Variants in MREG observed in about 807,000 individuals in gnomAD.
The protein encoded by MREG is melanoregulin.
A neutral mutation model predicts 28.5 loss-of-function variants in MREG; 31 were observed. The ratio of observed to expected loss-of-function variants is 1.09; its 90% CI spans 0.82 to 1.47. The LOEUF (loss-of-function observed/expected upper bound fraction) is 1.47. Among genes scored for constraint, MREG ranks in the 40% most tolerant of loss-of-function variants. The pLI, the probability that MREG is intolerant of heterozygous loss-of-function variation, is 0.00. For missense variants in MREG, 256 were observed against 257.4 expected, an observed-to-expected ratio of 0.99 and a Z score of 0.04; for synonymous variants, 106 against 95.2, an observed-to-expected ratio of 1.11 and a Z score of -0.66.
intron 1 of MREG, among the ~76,000 whole-genome samples, chr2:216,002,951 T>C (rs1694056815): frequency 6.6e-6 from 1 of 151,508 alleles, no homozygotes; most frequent in African/African-American, 2.4e-5. Context: ...TTCTCTCTCA[T>C]TCTCTCTTTC....
At chr2:215,986,728 C>T (rs1693581839) in intron 2 of MREG, among the ~76,000 whole-genome samples, 1 of 152,178 alleles carries the variant, frequency 6.6e-6, no homozygotes. Context: ...GTTCTCTTGC[C>T]TGCCACCATG....
At chr2:215,988,523 G>A (rs752694983) in intron 2 of MREG, among the ~76,000 whole-genome samples, 4 of 152,168 alleles carry the variant, frequency 2.6e-5, no homozygotes, top group Non-Finnish European at 4.4e-5. Context: ...CCCAGTGGCA[G>A]TGGAACACCA....
intron 2 of MREG, among the ~76,000 whole-genome samples, chr2:215,949,241 TGA>T (rs1171928258): frequency 1.6e-5 from 2 of 127,814 alleles, no homozygotes; most frequent in African/African-American, 6.1e-5. Flanking sequence ...TCGGCCTGGG[TGA>T]GAGTGAGACT....
At chr2:215,993,762 C>G (rs1693782206) in intron 2 of MREG, among the ~76,000 whole-genome samples, 1 of 152,162 alleles carries the variant, frequency 6.6e-6, no homozygotes, top group South Asian at 2.1e-4. Context: ...AGGATATGAA[C>G]AGACACTTCT....
intron 2 of MREG, among the ~76,000 whole-genome samples, chr2:215,949,430 G>A (rs1171259405): frequency 6.7e-6 from 1 of 148,244 alleles, no homozygotes; most frequent in African/African-American, 2.5e-5. Flanking sequence ...GTGTGGTGGT[G>A]TGTGCCTGTG....
At chr2:216,013,977 C>T (rs1463911215), upstream of MREG, among the ~76,000 whole-genome samples, 4 of 151,988 alleles carry the variant, frequency 2.6e-5, no homozygotes, top group Non-Finnish European at 5.9e-5. Flanking sequence ...ACCTCCTAGT[C>T]CTTAAATAGC....
At chr2:215,956,926 C>T (rs543753693) in intron 2 of MREG, among the ~76,000 whole-genome samples, 30 of 152,074 alleles carry the variant, frequency 2.0e-4, no homozygotes, top group African/African-American at 5.3e-4. Context: ...CCCTATGAGA[C>T]GGATACCCTT....
chr2:215,971,985 A>C (rs1693112228), intron 2 of MREG, among the ~76,000 whole-genome samples: 1 of 152,042 alleles, frequency 6.6e-6, no homozygotes, highest in Admixed American at 6.5e-5. Context: ...CGATGGTGCA[A>C]CTCCAAGATA....
chr2:215,941,183 C>A (rs1362682256), downstream of MREG, among the ~76,000 whole-genome samples: 1 of 152,132 alleles, frequency 6.6e-6, no homozygotes, highest in Non-Finnish European at 1.5e-5. Flanking sequence ...AATTCTAACA[C>A]ACAAGCCAAG....
At chr2:216,004,445 C>T (rs10191787) in intron 1 of MREG, among the ~76,000 whole-genome samples, 1 of 151,800 alleles carries the variant, frequency 6.6e-6, no homozygotes, top group Non-Finnish European at 1.5e-5. Context: ...AAAACAGTGC[C>T]TAACAGGAGA....
intron 1 of MREG, among the ~76,000 whole-genome samples, chr2:216,010,964 C>CCGGCACCTGTAGT (rs1488268412): frequency 1.3e-5 from 2 of 151,656 alleles, no homozygotes; most frequent in Admixed American, 6.6e-5. Flanking sequence ...GGCGCAGTGG[C>CCGGCACCTGTAGT]CGGCACCTGT....
chr2:215,977,355 T>A (rs1188441730), intron 2 of MREG, among the ~76,000 whole-genome samples: 1 of 152,190 alleles, frequency 6.6e-6, no homozygotes, highest in Non-Finnish European at 1.5e-5. Context: ...ATGCACCCAA[T>A]ACAGGAGCAC....
chr2:216,026,993 T>C (rs1040492603), intron 1 of MREG, among the ~76,000 whole-genome samples: 94 of 152,340 alleles, frequency 6.2e-4, no homozygotes, highest in African/African-American at 2.2e-3. Flanking sequence ...TCTGTCTACA[T>C]GTAAAGAATA....
At chr2:215,950,687 C>T (rs112415713) in intron 2 of MREG, among the ~76,000 whole-genome samples, 7 of 152,166 alleles carry the variant, frequency 4.6e-5, no homozygotes, top group Non-Finnish European at 1.0e-4. Flanking sequence ...GCTCTAAAAC[C>T]AGTAGAAGCA....
intron 2 of MREG, among the ~76,000 whole-genome samples, chr2:215,972,656 G>A (rs1693135736): frequency 6.6e-6 from 1 of 151,348 alleles, no homozygotes; most frequent in Admixed American, 6.6e-5. Flanking sequence ...GAAGCATTTT[G>A]GGATATGGAT....
chr2:215,993,327 C>A (rs541565364), intron 2 of MREG, among the ~76,000 whole-genome samples: 1 of 152,178 alleles, frequency 6.6e-6, no homozygotes, highest in South Asian at 2.1e-4. Context: ...GGGAAAGGAT[C>A]TGCTATTTAA....
intron 2 of MREG, among the ~76,000 whole-genome samples, chr2:215,990,492 G>A (rs539405930): frequency 3.3e-5 from 5 of 152,186 alleles, no homozygotes; most frequent in South Asian, 4.1e-4. Flanking sequence ...CTCAACTAAC[G>A]GGAAAAATAA....
At chr2:216,020,283 G>T (rs1364033865) in intron 1 of MREG, among the ~76,000 whole-genome samples, 2 of 152,170 alleles carry the variant, frequency 1.3e-5, no homozygotes, top group Non-Finnish European at 2.9e-5. Flanking sequence ...CAGACATTAT[G>T]CTAGCTTTAG....
intron 2 of MREG, among the ~76,000 whole-genome samples, chr2:215,958,216 C>A (rs1479045861): frequency 1.3e-5 from 2 of 151,358 alleles, no homozygotes; most frequent in Non-Finnish European, 2.9e-5. Context: ...TGTAACAAAC[C>A]TGCACGTTGT....
Sources: allele counts gnomAD v4.1 joint callset (sites outside exome capture counted in the v4.1 genomes callset), GRCh38; gene constraint gnomAD v4.1.1; transcripts MANE v1.5; gene names NCBI Gene and HGNC (gene_info 2026-07-23, HGNC 2026-07-21).